The following KCNQ1OT1 variants were observed in gnomAD, a reference collection of about 807,000 sequenced individuals.
KCNQ1OT1 encodes the protein KCNQ1 opposite strand/antisense transcript 1, also known as KCNQ1 antisense RNA 2 (non-protein coding).
At position 2,677,479 on chromosome 11, in the gene KCNQ1OT1, A is replaced by C. The variant is rs1850314194; in HGVS notation, n.22516T>G. 2.5e-6 allele frequency: 1 copy of C among 398,508 alleles called. No individual in the cohort carries two copies. Among genetic ancestry groups the C allele is most frequent in the South Asian group, 1.3e-4 (1 of 7,864 alleles). The allele number at this position is 398,508 out of a possible 1,614,324, so 24.7% of individuals were successfully genotyped here. ...CTTGGTCAAGCAGTGAAACCATGCC[A>C]TACTTCTACAAAAAATGATCCTCTC... On this transcript the variant is annotated non_coding_transcript_exon_variant, in exon 1 of 1. Transcript: ENST00000597346. The surrounding 1 kb of genome is among the most constrained non-coding windows in gnomAD (Gnocchi z 4.5).
At chr11:2,631,890 A>C in exon 1 of KCNQ1OT1, 1 of 398,086 alleles carries the variant, frequency 2.5e-6, no homozygotes. Context: ...ATGTATAGAA[A>C]TGCAACTGAA....
chr11:2,608,544 T>C lies in KCNQ1OT1; in HGVS notation n.91451A>G. On this transcript the variant is annotated non_coding_transcript_exon_variant, in exon 1 of 1. Coordinates refer to ENST00000597346, the Ensembl canonical transcript of KCNQ1OT1. This position sits in a 1 kb window ranked among gnomAD's most constrained non-coding sequence, Gnocchi z 4.6. Reference sequence around the variant, plus strand: ...AGGCTGGAATAGAGTGGTGTAATCATAGCTCACTGTAACCTCGATCTCCTA... The same window carrying C: ...AGGCTGGAATAGAGTGGTGTAATCACAGCTCACTGTAACCTCGATCTCCTA... 7.5e-6 allele frequency: 3 copies of C among 398,608 alleles called. No individual in the cohort carries two copies. Among genetic ancestry groups the C allele is most frequent in the Admixed American group, 4.4e-5 (1 of 22,734 alleles). The allele number at this position is 398,608 out of a possible 1,614,324, so 24.7% of individuals were successfully genotyped here.
exon 1 of KCNQ1OT1, chr11:2,628,213 G>A (rs538130015): frequency 1.7e-4 from 66 of 398,524 alleles, no homozygotes; most frequent in South Asian, 1.7e-3. Context: ...AAAATCTATC[G>A]TGTTTTCCAT....
chr11:2,644,077 A>G (rs1322262700), exon 1 of KCNQ1OT1: 2 of 398,434 alleles, frequency 5.0e-6, no homozygotes, highest in East Asian at 7.1e-5. Flanking sequence ...GCTGTGGAAA[A>G]GACCTTTCTG....
exon 1 of KCNQ1OT1, chr11:2,609,524 T>C (rs1848941904): frequency 2.5e-6 from 1 of 398,396 alleles, no homozygotes; most frequent in Non-Finnish European, 4.4e-6. Flanking sequence ...TGCTCTATAA[T>C]TACCTTTTGA....
At chr11:2,625,937 C>T (rs1244459434) in exon 1 of KCNQ1OT1, 5 of 398,578 alleles carry the variant, frequency 1.3e-5, no homozygotes, top group Non-Finnish European at 2.2e-5. Context: ...ATAATCTGGA[C>T]ATTAATCCCT....
chr11:2,634,179 T>G, exon 1 of KCNQ1OT1: 1 of 397,826 alleles, frequency 2.5e-6, no homozygotes, highest in Middle Eastern at 6.3e-4. Context: ...TCTCCCTTTT[T>G]TTTATTATAC....
chr11:2,689,932 C>G, exon 1 of KCNQ1OT1: 1 of 398,814 alleles, frequency 2.5e-6, no homozygotes, highest in Non-Finnish European at 4.4e-6. Flanking sequence ...CCCAGGCTGC[C>G]TCACCCAACG....
exon 1 of KCNQ1OT1, chr11:2,667,947 A>G: frequency 2.5e-6 from 1 of 398,706 alleles, no homozygotes; most frequent in Non-Finnish European, 4.4e-6. Context: ...AGGAAGCAAC[A>G]GAACCCCCAG....
At chr11:2,615,634 T>A (rs2133796514) in exon 1 of KCNQ1OT1, 1 of 398,106 alleles carries the variant, frequency 2.5e-6, no homozygotes, top group South Asian at 1.3e-4. Context: ...TGAATTGAAA[T>A]GATTGCATGG....
chr11:2,639,133 T>G (rs1008937293), exon 1 of KCNQ1OT1: 1 of 152,202 alleles, frequency 6.6e-6, no homozygotes, highest in Non-Finnish European at 1.5e-5. Context: ...TTTTCAAGGT[T>G]TTTAGCTTCT....
Position 2,661,713 on chromosome 11 carries a change from C to T in KCNQ1OT1, n.38282G>A, listed in dbSNP as rs1849959123. 2 of 610,756 alleles carry T rather than the reference C, an allele frequency of 3.3e-6. No homozygotes were observed. Among genetic ancestry groups the T allele is most frequent in the Admixed American group, 2.7e-5 (1 of 36,508 alleles). The allele number at this position is 610,756 out of a possible 1,614,324, so 37.8% of individuals were successfully genotyped here. ...TTGGACACCTGAGCACAGCCCCAGG[C>T]ACAGTTACCACTCCGAAGATGATTC... is the stretch of plus-strand genomic sequence containing the variant. On this transcript the variant is annotated non_coding_transcript_exon_variant, in exon 1 of 1. Transcript: ENST00000597346. The surrounding 1 kb of genome is among the most constrained non-coding windows in gnomAD (Gnocchi z 5.9).
rs78075808 is a variant in KCNQ1OT1, at chr11:2,671,749, A to G, written n.28246T>C. 0.014 allele frequency: 5,636 copies of G among 398,718 alleles called. 196 individuals are homozygous for G. The highest frequency in any genetic ancestry group is 0.096 in the East Asian group (2,684 of 28,072). The allele number at this position is 398,718 out of a possible 1,614,324, so 24.7% of individuals were successfully genotyped here. A position where few individuals can be genotyped will look rare whatever the true frequency, so the allele number is the denominator to read the frequency against. ...GGCTTTTCAGAGAACAAGGAGCTACATACACATACATGCATGCACATAATC... is the reference window on the plus strand; with the variant it reads ...GGCTTTTCAGAGAACAAGGAGCTACGTACACATACATGCATGCACATAATC... On this transcript the variant is annotated non_coding_transcript_exon_variant, in exon 1 of 1. Coordinates refer to ENST00000597346, the Ensembl canonical transcript of KCNQ1OT1. This position sits in a 1 kb window ranked among gnomAD's most constrained non-coding sequence, Gnocchi z 4.7.
In KCNQ1OT1 at chr11:2,652,155, T is replaced by G. The variant is rs915542486; in HGVS notation, n.47840A>C. 2 of 398,456 alleles carry G rather than the reference T, an allele frequency of 5.0e-6. No individual in the cohort carries two copies. The highest frequency in any genetic ancestry group is 8.8e-6 in the Non-Finnish European group (2 of 226,092). 24.7% of individuals were successfully genotyped at this position (398,456 alleles called of 1,614,324 possible). A position where few individuals can be genotyped will look rare whatever the true frequency, so the allele number is the denominator to read the frequency against. ...ACCTGTGTTTCTCAAGCCCGCGCCC[T>G]CGGGGCCTGGGGGTGGGGCCCCAGC... On this transcript the variant is annotated non_coding_transcript_exon_variant, in exon 1 of 1. Coordinates refer to ENST00000597346, the Ensembl canonical transcript of KCNQ1OT1. The surrounding 1 kb of genome is among the most constrained non-coding windows in gnomAD (Gnocchi z 5.9).
exon 1 of KCNQ1OT1, chr11:2,694,191 C>G (rs1434572212): frequency 2.5e-6 from 1 of 398,558 alleles, no homozygotes; most frequent in Non-Finnish European, 4.4e-6. Context: ...GGGCCAGGGT[C>G]TTTCTCACCG....
At chr11:2,619,675 C>T (rs1399193196) in exon 1 of KCNQ1OT1, 2 of 396,306 alleles carry the variant, frequency 5.0e-6, no homozygotes, top group Non-Finnish European at 4.4e-6. Flanking sequence ...TGATGCTGGC[C>T]TCATAAAATG....
At position 2,663,176 on chromosome 11, in the gene KCNQ1OT1, G is replaced by C; in HGVS notation, n.36819C>G. 2 of 398,752 alleles carry C rather than the reference G, an allele frequency of 5.0e-6. No individual in the cohort carries two copies. Among genetic ancestry groups the C allele is most frequent in the Non-Finnish European group, 8.8e-6 (2 of 226,170 alleles). The allele number at this position is 398,752 out of a possible 1,614,324, so 24.7% of individuals were successfully genotyped here. ...TTTCCAGGCCCCCCCAGTTCACAGA[G>C]AGGTTGGCAGTACCTCATGGTGGGT... On this transcript the variant is annotated non_coding_transcript_exon_variant, in exon 1 of 1. Transcript: ENST00000597346. This position sits in a 1 kb window ranked among gnomAD's most constrained non-coding sequence, Gnocchi z 5.2.
At chr11:2,640,588 A>T (rs1356564101) in exon 1 of KCNQ1OT1, 1 of 396,860 alleles carries the variant, frequency 2.5e-6, no homozygotes, top group Non-Finnish European at 4.4e-6. Flanking sequence ...TGACCGATAC[A>T]TAATACTTAT....
chr11:2,641,128 C>T lies in KCNQ1OT1; in HGVS notation n.58867G>A, dbSNP rs140962636. On this transcript the variant is annotated non_coding_transcript_exon_variant, in exon 1 of 1. Coordinates refer to ENST00000597346, the Ensembl canonical transcript of KCNQ1OT1. ...GTTGTGAATAGTGCTGCAATAAACA[C>T]GGGGATGCAGGTACATTTTTAGTAT... is the stretch of plus-strand genomic sequence containing the variant. 1,170 of 398,408 alleles carry T rather than the reference C, an allele frequency of 2.9e-3. 8 individuals carry two copies. The highest frequency in any genetic ancestry group is 0.02 in the African/African-American group (997 of 48,708). 24.7% of individuals were successfully genotyped at this position (398,408 alleles called of 1,614,324 possible). A position where few individuals can be genotyped will look rare whatever the true frequency, so the allele number is the denominator to read the frequency against.
Sources: allele counts gnomAD v4.1 joint callset, GRCh38; gene constraint gnomAD v4.1.1; non-coding constraint Gnocchi (gnomAD v3.1); transcripts MANE v1.5; gene names NCBI Gene and HGNC (gene_info 2026-07-23, HGNC 2026-07-21).